Variants in DST observed in about 807,000 individuals in gnomAD.
DST encodes dystonin.
A neutral mutation model predicts 875.2 loss-of-function variants in DST; 253 were observed. The ratio of observed to expected loss-of-function variants is 0.29; its 90% CI spans 0.26 to 0.32. DST has a LOEUF of 0.32. Among genes scored for constraint, DST ranks in the 10% least tolerant of loss-of-function variants. DST has a pLI of 1.00. For synonymous variants in DST, 3,124 were observed against 3,197.1 expected (o/e 0.98, Z 0.77); for missense variants, 8,287 against 9,111.6 (o/e 0.91, Z 3.68).
chr6:56,883,763 T>A (rs1783313658), intron 3 of DST, among the ~76,000 whole-genome samples: 1 of 152,098 alleles, frequency 6.6e-6, no homozygotes, highest in East Asian at 1.9e-4. Flanking sequence ...CCTATCCACA[T>A]TTTCTCCCCT....
At chr6:56,563,533 T>C (rs1161938094) in intron 55 of DST, among the ~76,000 whole-genome samples, 1 of 152,230 alleles carries the variant, frequency 6.6e-6, no homozygotes, top group Non-Finnish European at 1.5e-5. Flanking sequence ...TTCTGTAGGT[T>C]GCCTGTTCAC....
At chr6:56,952,915 A>G (rs1211408470) in intron 2 of DST, among the ~76,000 whole-genome samples, 3 of 152,218 alleles carry the variant, frequency 2.0e-5, no homozygotes, top group Admixed American at 6.5e-5. Flanking sequence ...TAATACAGTT[A>G]AAGTTTTTAA....
intron 2 of DST, among the ~76,000 whole-genome samples, chr6:56,940,665 G>A (rs1816072005): frequency 6.6e-6 from 1 of 151,560 alleles, no homozygotes; most frequent in African/African-American, 2.4e-5. Flanking sequence ...CTACAACCTT[G>A]ACCTCCTGGG....
chr6:56,725,044 A>G (rs1392528350), intron 5 of DST, among the ~76,000 whole-genome samples: 4 of 152,168 alleles, frequency 2.6e-5, no homozygotes, highest in South Asian at 4.1e-4. Context: ...ATATAACCCA[A>G]ATAAGAGGGC....
intron 98 of DST, chr6:56,467,423 C>T (rs1258649398): frequency 6.6e-6 from 1 of 151,260 alleles, no homozygotes; most frequent in Non-Finnish European, 1.5e-5. Flanking sequence ...GTTTTTCCAT[C>T]AAACTTTTAA....
chr6:56,574,815 G>C (rs929821528), intron 50 of DST, among the ~76,000 whole-genome samples: 1 of 151,990 alleles, frequency 6.6e-6, no homozygotes, highest in East Asian at 1.9e-4. Context: ...CTTATTGTCC[G>C]AGAATTTGAA....
At chr6:56,842,110 A>T (rs921236958) in intron 4 of DST, among the ~76,000 whole-genome samples, 1 of 152,112 alleles carries the variant, frequency 6.6e-6, no homozygotes, top group Non-Finnish European at 1.5e-5. Flanking sequence ...CTTTCTACTA[A>T]TAGAAAAACT....
intron 60 of DST, 103 bp from the exon 61 acceptor site, chr6:56,553,758 A>G: frequency 1.8e-6 from 2 of 1,126,766 alleles, no homozygotes; most frequent in Non-Finnish European, 2.5e-6. Flanking sequence ...AGAATTGTTG[A>G]AAAGCAAGGG....
At chr6:56,842,830 C>CT (rs2099801961) in intron 4 of DST, among the ~76,000 whole-genome samples, 1 of 152,158 alleles carries the variant, frequency 6.6e-6, no homozygotes, top group Non-Finnish European at 1.5e-5. Flanking sequence ...CCCTTCCCCC[C>CT]TCTCTACCGC....
At chr6:56,783,937 C>T (rs1292736799) in intron 4 of DST, among the ~76,000 whole-genome samples, 1 of 152,140 alleles carries the variant, frequency 6.6e-6, no homozygotes, top group African/African-American at 2.4e-5. Context: ...CAAAATCTCT[C>T]AGCATTTGCT....
At position 56,511,318 on chromosome 6, in the gene DST, G is replaced by T. The variant is rs1211965426; in HGVS notation, c.18659C>A (p.Pro6220His). 1 of 1,607,206 alleles carries T rather than the reference G, an allele frequency of 6.2e-7. No homozygotes were observed. The highest frequency in any genetic ancestry group is 1.7e-5 in the Admixed American group (1 of 59,154). ...CTCTTGGATAGAAAAGCCTTCCCCA[G>T]GGCTCAATTCCAGTAACTGTGGCCC... ...KTGPQLLELS[P>H]GEGFSIQEKY... The change falls in exon 73 of 104, where the codon CCT (proline) becomes CAT (histidine). Residue 6220 changes from proline (P) to histidine (H), a missense_variant. Pro to His is a moderately conservative substitution (Grantham distance 77). Coordinates refer to ENST00000680361, the MANE Select transcript of DST (RefSeq NM_001374736.1).
intron 61 of DST, among the ~76,000 whole-genome samples, chr6:56,538,110 G>T (rs4473850): frequency 0.66 from 100,228 of 151,810 alleles, 33,601 homozygotes; most frequent in Non-Finnish European, 0.7. Context: ...AGCCTCCCCA[G>T]TAGCTGGGAC....
At chr6:56,746,159 A>T (rs1209282797) in intron 4 of DST, among the ~76,000 whole-genome samples, 1 of 151,802 alleles carries the variant, frequency 6.6e-6, no homozygotes, top group Non-Finnish European at 1.5e-5. Flanking sequence ...AATTTTTAAA[A>T]TTTTTTGTAG....
At position 56,493,046 on chromosome 6, in the gene DST, T is replaced by G; in HGVS notation, c.20438A>C (p.Asn6813Thr). 1 of 1,612,672 alleles carries G rather than the reference T, an allele frequency of 6.2e-7. No individual in the cohort carries two copies. Among genetic ancestry groups the G allele is most frequent in the Non-Finnish European group, 8.5e-7 (1 of 1,179,324 alleles). Residue 6813 changes from asparagine (N) to threonine (T), a missense_variant, in exon 84 of 104, where the codon AAT becomes ACT. Around this residue, in one of 10 missense-constraint regions of DST, gnomAD observed 1,292 missense variants for 1,552.7 expected, o/e 0.83. Transcript: ENST00000680361. ...CCAGTTGATGAAGTCTTGGAGAGAA[T>G]TGTGGAACTCCATTGCCAAGTTGAG... is the stretch of plus-strand genomic sequence containing the variant. ...EALNLAMEFH[N>T]SLQDFINWLT...
At chr6:56,921,402 A>G (rs1225851039) in intron 2 of DST, among the ~76,000 whole-genome samples, 1 of 152,230 alleles carries the variant, frequency 6.6e-6, no homozygotes, top group Non-Finnish European at 1.5e-5. Context: ...AAAATTTGCT[A>G]GTAAATTTTA....
intron 2 of DST, among the ~76,000 whole-genome samples, chr6:56,918,070 A>G (rs892548050): frequency 1.3e-5 from 2 of 151,754 alleles, no homozygotes; most frequent in African/African-American, 4.8e-5. Context: ...TGTTTTATAT[A>G]TATGTTTTCT....
At chr6:56,616,709 C>A (rs1251937732) in intron 36 of DST, 2 of 1,614,046 alleles carry the variant, frequency 1.2e-6, no homozygotes, top group Non-Finnish European at 1.7e-6. Context: ...GTCAATGACA[C>A]CCCCACTGGC....
At chr6:56,815,962 G>C (rs2099766003) in intron 4 of DST, among the ~76,000 whole-genome samples, 1 of 152,102 alleles carries the variant, frequency 6.6e-6, no homozygotes, top group South Asian at 2.1e-4. Flanking sequence ...AATGATGAAA[G>C]ATCATGGTCT....
chr6:56,906,090 T>G (rs116546639), intron 2 of DST, among the ~76,000 whole-genome samples: 1,872 of 152,336 alleles, frequency 0.012, 34 homozygotes, highest in East Asian at 0.04. Flanking sequence ...TTTGTACATA[T>G]AGCCAGAAGT....
Sources: gnomAD v4.1 joint callset for allele counts (sites outside exome capture counted in the v4.1 genomes callset) on GRCh38, gnomAD v4.1.1 for gene constraint, gnomAD v4.1.1 regional missense constraint, MANE v1.5 for transcripts, NCBI Gene and HGNC (gene_info 2026-07-23, HGNC 2026-07-21) for gene names.